The following ZCWPW2 variants were observed in gnomAD, a reference collection of about 807,000 sequenced individuals.
The protein encoded by ZCWPW2 is zinc finger CW-type and PWWP domain containing 2, also known as zinc finger CW-type PWWP domain protein 2.
ZCWPW2 carries 45 observed loss-of-function variants against 46.6 expected under a neutral mutation model. The observed-to-expected ratio is 0.96, with a 90% confidence interval of 0.76 to 1.24. The LOEUF (loss-of-function observed/expected upper bound fraction) is 1.24. ZCWPW2 is among the 50% of genes most tolerant of loss of function. The probability of loss-of-function intolerance (pLI) is 0.00; values close to 1 mark genes in which losing one functional copy is unlikely to be tolerated. For synonymous variants in ZCWPW2, 152 were observed against 137.1 expected, an observed-to-expected ratio of 1.11 and a Z score of -0.76; for missense variants, 429 against 403.9, an observed-to-expected ratio of 1.06 and a Z score of -0.53.
intron 2 of ZCWPW2, among the ~76,000 whole-genome samples, chr3:28,392,893 C>T (rs562858317): frequency 1.3e-5 from 2 of 149,604 alleles, no homozygotes; most frequent in Non-Finnish European, 3.0e-5. Flanking sequence ...CCTCAAGGAA[C>T]GAGGAGAAAA....
In ZCWPW2 at chr3:28,520,881, T is replaced by G. The variant is rs560420532; in HGVS notation, c.785-111T>G. 1.7e-5 allele frequency: 22 copies of G among 1,284,626 alleles called. No homozygotes were observed. The African/African-American group carries it at 2.0e-4, about 12-fold the overall frequency. The allele number at this position is 1,284,626 out of a possible 1,614,324, so 79.6% of individuals were successfully genotyped here. A position where few individuals can be genotyped will look rare whatever the true frequency, so the allele number is the denominator to read the frequency against. On this transcript the variant is annotated intron_variant, in intron 8 of 9. Coordinates refer to ENST00000383768, the MANE Select transcript of ZCWPW2 (RefSeq NM_001040432.4). ...ATGAAAATTATATGAAACATTTATATTTTACCTTGTAGCATTTAAAAGATT... is the reference window on the plus strand; with the variant it reads ...ATGAAAATTATATGAAACATTTATAGTTTACCTTGTAGCATTTAAAAGATT...
chr3:28,503,186 G>A (rs1006482099), intron 6 of ZCWPW2, among the ~76,000 whole-genome samples: 1 of 152,058 alleles, frequency 6.6e-6, no homozygotes, highest in South Asian at 2.1e-4. Flanking sequence ...CTTTGAGCCA[G>A]AAAGCAAGAA....
chr3:28,380,158 AT>A (rs1229319498), intron 1 of ZCWPW2, among the ~76,000 whole-genome samples: 1 of 151,002 alleles, frequency 6.6e-6, no homozygotes, highest in East Asian at 2.0e-4. Flanking sequence ...AATTTTTTGT[AT>A]TTTTTTAGTA....
At chr3:28,482,772 A>G (rs1469831380) in intron 5 of ZCWPW2, among the ~76,000 whole-genome samples, 2 of 152,146 alleles carry the variant, frequency 1.3e-5, no homozygotes, top group Non-Finnish European at 1.5e-5. Context: ...ATCCTTTCAT[A>G]TACTTATTTG....
At chr3:28,440,957 G>A (rs1425307517) in intron 4 of ZCWPW2, among the ~76,000 whole-genome samples, 1 of 152,204 alleles carries the variant, frequency 6.6e-6, no homozygotes, top group African/African-American at 2.4e-5. Flanking sequence ...AAGACTCAGT[G>A]TTGGTCTCTG....
intron 4 of ZCWPW2, among the ~76,000 whole-genome samples, chr3:28,441,622 G>A (rs1436881855): frequency 1.3e-5 from 2 of 152,124 alleles, no homozygotes; most frequent in East Asian, 3.9e-4. Flanking sequence ...GAGAAGGCAG[G>A]GTGGCAGGAC....
At chr3:28,508,015 GTTCTACAGGC>G (rs1277848267) in intron 6 of ZCWPW2, among the ~76,000 whole-genome samples, 1 of 152,084 alleles carries the variant, frequency 6.6e-6, no homozygotes, top group African/African-American at 2.4e-5. Flanking sequence ...TTGGCTCAGG[GTTCTACAGGC>G]TGTACAAGAA....
chr3:28,403,649 A>G (rs768455085), intron 2 of ZCWPW2, among the ~76,000 whole-genome samples: 9 of 152,194 alleles, frequency 5.9e-5, no homozygotes, highest in Non-Finnish European at 1.0e-4. Context: ...AAACTATACT[A>G]TAAGGCCATA....
intron 4 of ZCWPW2, among the ~76,000 whole-genome samples, chr3:28,469,724 G>GAT (rs144992497): frequency 1.3e-4 from 20 of 150,872 alleles, no homozygotes; most frequent in Admixed American, 4.0e-4. Context: ...ATATATATAT[G>GAT]ATATATATAT....
At chr3:28,369,539 G>A (rs988292943) in intron 1 of ZCWPW2, among the ~76,000 whole-genome samples, 1 of 152,086 alleles carries the variant, frequency 6.6e-6, no homozygotes, top group Non-Finnish European at 1.5e-5. Flanking sequence ...AGGAGTACCC[G>A]GCCATTGTGA....
intron 2 of ZCWPW2, among the ~76,000 whole-genome samples, chr3:28,399,517 C>A (rs1262831936): frequency 6.6e-6 from 1 of 152,168 alleles, no homozygotes; most frequent in African/African-American, 2.4e-5. Context: ...GCTAAGGAAC[C>A]TCCCAGAGTC....
At chr3:28,497,262 G>T (rs1394727930) in intron 6 of ZCWPW2, among the ~76,000 whole-genome samples, 1 of 150,784 alleles carries the variant, frequency 6.6e-6, no homozygotes, top group East Asian at 2.0e-4. Context: ...AAACAAATGT[G>T]TATATACGTG....
At chr3:28,377,470 G>T (rs973050112) in intron 1 of ZCWPW2, among the ~76,000 whole-genome samples, 2 of 152,002 alleles carry the variant, frequency 1.3e-5, no homozygotes, top group African/African-American at 4.8e-5. Flanking sequence ...AATTAGATTA[G>T]CTCAAGATTC....
In ZCWPW2 at chr3:28,488,092, G is replaced by A. The variant is rs141492297; in HGVS notation, c.611-4035G>A. Among the ~76,000 whole-genome samples, 10 of 152,210 alleles carry A rather than the reference G, an allele frequency of 6.6e-5. No homozygotes were observed. In the East Asian group the frequency reaches 9.7e-4, roughly 15 times the overall value. ...TCCCTAATCTTCTCTGTGAGAACCT[G>A]GTAGAGCTCCTACACGTAAAACTCA... On this transcript the variant is annotated intron_variant, in intron 5 of 9. Transcript: ENST00000383768.
At chr3:28,491,865 GA>G (rs1699822733) in intron 5 of ZCWPW2, among the ~76,000 whole-genome samples, 1 of 152,048 alleles carries the variant, frequency 6.6e-6, no homozygotes, top group Non-Finnish European at 1.5e-5. Context: ...ACACCAACTT[GA>G]GGACATCCAA....
intron 6 of ZCWPW2, among the ~76,000 whole-genome samples, chr3:28,492,769 G>A (rs1034753846): frequency 6.6e-6 from 1 of 152,114 alleles, no homozygotes; most frequent in African/African-American, 2.4e-5. Flanking sequence ...AAGAGATGAT[G>A]TTCTTACCAC....
Position 28,485,132 on chromosome 3 carries a change from TC to T in ZCWPW2, c.610+6202del, listed in dbSNP as rs528327346. Among the ~76,000 whole-genome samples the T allele has an allele frequency of 5.5e-3, 839 of 152,042 alleles. 4 individuals carry two copies. The highest frequency in any genetic ancestry group is 8.6e-3 in the Non-Finnish European group (586 of 67,982). Reference sequence around the variant, plus strand: ...TGAGTTCAAAATATTTTAAAATTTTTCTTGAGTTTTTTTTTTTTCTTTGATC... The same window carrying T: ...TGAGTTCAAAATATTTTAAAATTTTTTTGAGTTTTTTTTTTTTCTTTGATC... On this transcript the variant is annotated intron_variant, in intron 5 of 9. Coordinates refer to ENST00000383768, the MANE Select transcript of ZCWPW2 (RefSeq NM_001040432.4).
At chr3:28,364,644 ATTC>A (rs995570109) in intron 1 of ZCWPW2, among the ~76,000 whole-genome samples, 4 of 151,690 alleles carry the variant, frequency 2.6e-5, no homozygotes, top group African/African-American at 9.7e-5. Context: ...AATTATGGCC[ATTC>A]TTTTTTTTTA....
chr3:28,470,846 T>C (rs569732636), intron 4 of ZCWPW2, among the ~76,000 whole-genome samples: 2 of 151,782 alleles, frequency 1.3e-5, no homozygotes, highest in East Asian at 3.9e-4. Context: ...TAAAGAAAAT[T>C]GACAAACCTT....
Sources: gnomAD v4.1 joint callset for allele counts (sites outside exome capture counted in the v4.1 genomes callset) on GRCh38, gnomAD v4.1.1 for gene constraint, MANE v1.5 for transcripts, NCBI Gene and HGNC (gene_info 2026-07-23, HGNC 2026-07-21) for gene names.